The following MEIS2 variants were observed in gnomAD, a reference collection of about 807,000 sequenced individuals.
MEIS2 encodes Meis homeobox 2.
In MEIS2, 9 loss-of-function variants were observed where a neutral mutation model predicts 58.6. The observed-to-expected ratio is 0.15, with a 90% CI of 0.09 to 0.27. The LOEUF is 0.27. MEIS2 is among the 10% of genes least tolerant of loss of function. The pLI is 1.00. For synonymous variants in MEIS2, 221 were observed against 228.4 expected (o/e 0.97, Z 0.29); for missense variants, 427 against 635.0 (o/e 0.67, Z 3.52).
At chr15:36,954,782 C>G (rs1254356829) in intron 8 of MEIS2, among the ~76,000 whole-genome samples, 1 of 152,166 alleles carries the variant, frequency 6.6e-6, no homozygotes, top group Non-Finnish European at 1.5e-5. Flanking sequence ...GGTCAAGTAA[C>G]TTGTTGGGTA....
At chr15:37,049,658 T>G (rs1212176391) in intron 7 of MEIS2, among the ~76,000 whole-genome samples, 2 of 152,008 alleles carry the variant, frequency 1.3e-5, no homozygotes, top group South Asian at 2.1e-4. Context: ...GGCTAATTTT[T>G]TGTATTTTTA....
Position 37,070,366 on chromosome 15 carries a change from T to C in MEIS2, c.754+13405A>G, listed in dbSNP as rs139560645. Among the ~76,000 whole-genome samples the C allele has an allele frequency of 1.3e-3, 193 of 152,266 alleles. No individual in the cohort carries two copies. The East Asian group carries it at 0.02, about 16-fold the overall frequency. On this transcript the variant is annotated intron_variant, in intron 7 of 11. Coordinates refer to ENST00000561208, the MANE Select transcript of MEIS2 (RefSeq NM_170675.5). ...AAATTAAACTCTATCCAAAGGTACT[T>C]CAATGAGAGAAGCAGAGTCCCGGAC...
At chr15:37,022,023 A>G (rs1458494208) in intron 8 of MEIS2, among the ~76,000 whole-genome samples, 1 of 152,152 alleles carries the variant, frequency 6.6e-6, no homozygotes, top group African/African-American at 2.4e-5. Context: ...ACATTTGAGA[A>G]TATAGGTGAC....
chr15:37,015,723 T>C (rs187714259), intron 8 of MEIS2, among the ~76,000 whole-genome samples: 2 of 152,210 alleles, frequency 1.3e-5, no homozygotes, highest in East Asian at 1.9e-4. Context: ...TGTAGCAGGC[T>C]TGCTTTCTAC....
intron 2 of MEIS2, 56 bp from the exon 3 acceptor site, chr15:37,096,486 G>A (rs1489652630): frequency 1.9e-6 from 3 of 1,583,896 alleles, no homozygotes; most frequent in South Asian, 2.3e-5. Context: ...CAGAGGGGAA[G>A]GAGCAAGAAC....
At chr15:37,096,557 C>T in intron 2 of MEIS2, 127 bp from the exon 3 acceptor site, 1 of 1,122,462 alleles carries the variant, frequency 8.9e-7, no homozygotes, top group East Asian at 2.7e-5. Context: ...ACGCACCACA[C>T]TTTACAACCC....
intron 8 of MEIS2, among the ~76,000 whole-genome samples, chr15:36,969,888 CT>C (rs1398931237): frequency 3.3e-5 from 5 of 149,592 alleles, no homozygotes; most frequent in African/African-American, 1.2e-4. Context: ...AGAACAATGT[CT>C]TTTTGGCTTT....
chr15:37,072,363 T>A (rs866497503), intron 7 of MEIS2, among the ~76,000 whole-genome samples: 2 of 152,212 alleles, frequency 1.3e-5, no homozygotes, highest in Middle Eastern at 3.4e-3. Flanking sequence ...CCAGGGAATC[T>A]GTATTTATAT....
At chr15:37,027,131 T>C (rs183469680) in intron 8 of MEIS2, among the ~76,000 whole-genome samples, 303 of 152,306 alleles carry the variant, frequency 2.0e-3, no homozygotes, top group Non-Finnish European at 2.4e-3. Context: ...ACCACCCTAA[T>C]GCTTCCTACC....
intron 11 of MEIS2, among the ~76,000 whole-genome samples, chr15:36,893,008 C>T (rs2055962690): frequency 6.6e-6 from 1 of 152,128 alleles, no homozygotes; most frequent in Admixed American, 6.5e-5. Context: ...ATTCCTATAG[C>T]AGTACACCCA....
At chr15:36,960,666 T>G (rs1255850863) in intron 8 of MEIS2, among the ~76,000 whole-genome samples, 1 of 152,106 alleles carries the variant, frequency 6.6e-6, no homozygotes, top group Non-Finnish European at 1.5e-5. Context: ...TATAAATGAG[T>G]GTTTCATACA....
Position 36,940,181 on chromosome 15 carries a change from G to A in MEIS2, c.977+10143C>T, listed in dbSNP as rs573831786. Among the ~76,000 whole-genome samples, 20 of 152,212 alleles carry A rather than the reference G, an allele frequency of 1.3e-4. No individual in the cohort carries two copies. In the East Asian group the frequency reaches 3.1e-3, roughly 23 times the overall value. On this transcript the variant is annotated intron_variant, in intron 9 of 11. Coordinates refer to ENST00000561208, the MANE Select transcript of MEIS2 (RefSeq NM_170675.5). ...TCTGTGGGTTATGGCCCCATTTCCA[G>A]GAAAATCTATCTGAGCCTAATGTAA...
At chr15:37,065,012 T>C (rs1328377610) in intron 7 of MEIS2, among the ~76,000 whole-genome samples, 1 of 152,178 alleles carries the variant, frequency 6.6e-6, no homozygotes, top group African/African-American at 2.4e-5. Context: ...GATTTTGAAA[T>C]TATGCTGAAA....
intron 7 of MEIS2, among the ~76,000 whole-genome samples, chr15:37,069,338 G>A (rs1208856510): frequency 1.3e-5 from 2 of 152,324 alleles, no homozygotes; most frequent in East Asian, 1.9e-4. Flanking sequence ...GTATAAAATA[G>A]GAAGAACATT....
At chr15:36,948,168 G>A (rs1266270769) in intron 9 of MEIS2, among the ~76,000 whole-genome samples, 1 of 151,968 alleles carries the variant, frequency 6.6e-6, no homozygotes, top group African/African-American at 2.4e-5. Context: ...AGAGACAGAA[G>A]TGTCAACGTT....
At chr15:37,074,625 A>AAG (rs1891138238) in intron 7 of MEIS2, among the ~76,000 whole-genome samples, 1 of 152,012 alleles carries the variant, frequency 6.6e-6, no homozygotes, top group African/African-American at 2.4e-5. Flanking sequence ...GGACAAAGGG[A>AAG]AGAGAGAGAG....
At chr15:36,954,087 T>C (rs898971815) in intron 8 of MEIS2, among the ~76,000 whole-genome samples, 4 of 152,278 alleles carry the variant, frequency 2.6e-5, no homozygotes, top group Non-Finnish European at 5.9e-5. Flanking sequence ...AAATTAGATA[T>C]GTACAATGAA....
intron 7 of MEIS2, among the ~76,000 whole-genome samples, chr15:37,041,896 G>A (rs2062438005): frequency 6.6e-6 from 1 of 152,144 alleles, no homozygotes; most frequent in South Asian, 2.1e-4. Context: ...ACCTAGGCAG[G>A]CTTGGCATGG....
upstream of MEIS2, chr15:37,101,259 G>C (rs988515413): frequency 6.6e-6 from 1 of 152,394 alleles, no homozygotes; most frequent in Admixed American, 6.6e-5. Context: ...AATCGGGAGG[G>C]AGGAAGTGAG....
Sources: allele counts gnomAD v4.1 joint callset (sites outside exome capture counted in the v4.1 genomes callset), GRCh38; gene constraint gnomAD v4.1.1; transcripts MANE v1.5; gene names NCBI Gene and HGNC (gene_info 2026-07-23, HGNC 2026-07-21).